ROBO1: variants seen among roughly 807,000 people sequenced by gnomAD.
ROBO1 encodes roundabout homolog 1.
A neutral mutation model predicts 195.9 loss-of-function variants in ROBO1; 149 were observed. That is an observed-to-expected ratio of 0.76 (90% CI 0.67 to 0.87). ROBO1 has a LOEUF of 0.87. ROBO1 is among the 40% of genes least tolerant of loss of function. The pLI is 0.00. For synonymous variants in ROBO1, 816 were observed against 733.2 expected (o/e 1.11, Z -1.82); for missense variants, 1,933 against 2,068.3 (o/e 0.93, Z 1.27).
At chr3:79,500,474 A>G (rs73131068) in intron 2 of ROBO1, among the ~76,000 whole-genome samples, 4,761 of 152,168 alleles carry the variant, frequency 0.031, 125 homozygotes, top group Non-Finnish European at 0.052. Flanking sequence ...GCTGAGCTCC[A>G]TTGTTGTTGA....
intron 8 of ROBO1, 87 bp downstream of exon 8, chr3:78,714,310 T>C (rs2081842490): frequency 2.3e-6 from 3 of 1,285,180 alleles, no homozygotes; most frequent in East Asian, 2.4e-5. Flanking sequence ...ATATGTAACA[T>C]AGCCCTATAC....
At chr3:78,779,204 T>C (rs2083596960) in intron 4 of ROBO1, among the ~76,000 whole-genome samples, 1 of 152,012 alleles carries the variant, frequency 6.6e-6, no homozygotes, top group South Asian at 2.1e-4. Flanking sequence ...GAGCAAAGAC[T>C]TCATGACTAA....
At chr3:78,938,966 G>A (rs2039973576) in intron 3 of ROBO1, 39 bp from the exon 4 acceptor site, 2 of 1,514,530 alleles carry the variant, frequency 1.3e-6, no homozygotes, top group Non-Finnish European at 1.8e-6. Flanking sequence ...TATATCACTT[G>A]AAAACAGTTA....
intron 3 of ROBO1, among the ~76,000 whole-genome samples, chr3:78,982,117 T>C (rs1178410891): frequency 3.9e-5 from 6 of 152,102 alleles, no homozygotes; most frequent in Non-Finnish European, 7.3e-5. Context: ...AAAGTTGTCA[T>C]CACCTCCCGC....
At chr3:78,971,183 G>C (rs1012423887) in intron 3 of ROBO1, among the ~76,000 whole-genome samples, 2 of 152,104 alleles carry the variant, frequency 1.3e-5, no homozygotes, top group Admixed American at 1.3e-4. Context: ...CTTGAGGTCA[G>C]GAGTTTGAGA....
intron 2 of ROBO1, among the ~76,000 whole-genome samples, chr3:79,248,990 A>G (rs1000994211): frequency 3.9e-5 from 6 of 152,222 alleles, no homozygotes; most frequent in African/African-American, 1.4e-4. Flanking sequence ...AAGACACTGT[A>G]GTAGAGAGAC....
intron 2 of ROBO1, among the ~76,000 whole-genome samples, chr3:79,509,763 A>G (rs1413357670): frequency 6.6e-6 from 1 of 152,106 alleles, no homozygotes; most frequent in Non-Finnish European, 1.5e-5. Context: ...CCTTAATCTT[A>G]ACCCCCCTCC....
At position 79,426,286 on chromosome 3, in the gene ROBO1, G is replaced by A. The variant is rs569277436; in HGVS notation, c.88+163538C>T. ...CAAATAATATACATAATATACGCAA[G>A]TCCAGGTCCCTTAGAAACTGACATT... On this transcript the variant is annotated intron_variant, in intron 2 of 30. Coordinates refer to ENST00000464233, the MANE Select transcript of ROBO1 (RefSeq NM_002941.4). Among the ~76,000 whole-genome samples, 6 of 152,170 alleles carry A rather than the reference G, an allele frequency of 3.9e-5. No individual in the cohort carries two copies. The East Asian group carries it at 9.7e-4, about 25-fold the overall frequency.
intron 3 of ROBO1, among the ~76,000 whole-genome samples, chr3:79,069,701 A>G (rs2079055918): frequency 6.6e-6 from 1 of 151,884 alleles, no homozygotes; most frequent in African/African-American, 2.4e-5. Flanking sequence ...TTTGATCCAA[A>G]CCTAGCTCTG....
chr3:78,783,964 A>G (rs1007139482), intron 4 of ROBO1, among the ~76,000 whole-genome samples: 3 of 152,146 alleles, frequency 2.0e-5, no homozygotes, highest in African/African-American at 7.2e-5. Flanking sequence ...GGCTCTATGA[A>G]ATATTAAGTG....
intron 23 of ROBO1, among the ~76,000 whole-genome samples, chr3:78,634,273 TAAG>T (rs1162870226): frequency 3.3e-5 from 5 of 151,716 alleles, no homozygotes; most frequent in Non-Finnish European, 7.4e-5. Flanking sequence ...ATGATTTTAA[TAAG>T]AATCACAAAA....
chr3:79,092,049 G>T (rs187258768), intron 3 of ROBO1, among the ~76,000 whole-genome samples: 1 of 152,046 alleles, frequency 6.6e-6, no homozygotes, highest in African/African-American at 2.4e-5. Flanking sequence ...TGCCAATAGA[G>T]GTAGAATAAT....
intron 2 of ROBO1, among the ~76,000 whole-genome samples, chr3:79,487,917 T>C (rs1575900287): frequency 6.6e-6 from 1 of 152,260 alleles, no homozygotes; most frequent in East Asian, 1.9e-4. Flanking sequence ...CCAGGTGTTA[T>C]AAAAGCAATA....
At chr3:78,728,546 T>C (rs1220746851) in intron 5 of ROBO1, among the ~76,000 whole-genome samples, 1 of 151,228 alleles carries the variant, frequency 6.6e-6, no homozygotes, top group Non-Finnish European at 1.5e-5. Context: ...TATTCTCAAG[T>C]GAAGGGTATT....
intron 2 of ROBO1, among the ~76,000 whole-genome samples, chr3:79,439,618 A>T (rs2038990346): frequency 6.6e-6 from 1 of 151,906 alleles, no homozygotes; most frequent in South Asian, 2.1e-4. Context: ...GCAACAAGAT[A>T]AATAAATTTA....
At chr3:79,711,764 C>T (rs1702284622) in intron 1 of ROBO1, among the ~76,000 whole-genome samples, 1 of 152,100 alleles carries the variant, frequency 6.6e-6, no homozygotes, top group Admixed American at 6.6e-5. Context: ...ACGTGTTGAG[C>T]AAGTCTATGG....
intron 2 of ROBO1, among the ~76,000 whole-genome samples, chr3:79,498,802 G>A (rs957525040): frequency 6.6e-6 from 1 of 151,544 alleles, no homozygotes; most frequent in Non-Finnish European, 1.5e-5. Context: ...TGCAGTGATT[G>A]AGCCATTGTG....
At chr3:79,689,079 T>A (rs1426208637) in intron 1 of ROBO1, among the ~76,000 whole-genome samples, 1 of 152,018 alleles carries the variant, frequency 6.6e-6, no homozygotes, top group Non-Finnish European at 1.5e-5. Context: ...CACGCGTTTT[T>A]TATATATAGT....
At chr3:78,867,787 C>A (rs990282113) in intron 4 of ROBO1, among the ~76,000 whole-genome samples, 2 of 152,096 alleles carry the variant, frequency 1.3e-5, no homozygotes, top group African/African-American at 4.8e-5. Context: ...TACAAATTTT[C>A]TTCAAGTGGC....
Sources: gnomAD v4.1 joint callset for allele counts (sites outside exome capture counted in the v4.1 genomes callset) on GRCh38, gnomAD v4.1.1 for gene constraint, MANE v1.5 for transcripts, NCBI Gene and HGNC (gene_info 2026-07-23, HGNC 2026-07-21) for gene names.